Variants in ZBTB25 observed in about 807,000 individuals in gnomAD.
ZBTB25 encodes the protein zinc finger and BTB domain containing 25.
ZBTB25 carries 20 observed loss-of-function variants against 34.2 expected under a neutral mutation model. The observed-to-expected ratio is 0.58, with a 90% CI of 0.41 to 0.85. The LOEUF (loss-of-function observed/expected upper bound fraction) is 0.85, where lower values mean the gene tolerates loss of function less well. Among genes scored for constraint, ZBTB25 ranks in the 40% least tolerant of loss-of-function variants. The pLI, the probability that ZBTB25 is intolerant of heterozygous loss-of-function variation, is 0.00. For missense variants in ZBTB25, 437 were observed against 521.8 expected, an observed-to-expected ratio of 0.84 and a Z score of 1.58; for synonymous variants, 175 against 186.4, an observed-to-expected ratio of 0.94 and a Z score of 0.50.
intron 2 of ZBTB25, among the ~76,000 whole-genome samples, 149 bp downstream of exon 2, chr14:64,490,208 CAAAA>C (rs61367816): frequency 0.011 from 1,009 of 89,622 alleles, no homozygotes; most frequent in Middle Eastern, 0.014. Flanking sequence ...ACTCTGTCGC[CAAAA>C]AAAAAAAAAA....
chr14:64,464,473 C>T (rs2078589413), intron 2 of ZBTB25, among the ~76,000 whole-genome samples: 1 of 152,180 alleles, frequency 6.6e-6, no homozygotes, highest in African/African-American at 2.4e-5. Flanking sequence ...CCTTGATAAG[C>T]CTCTGTGGAA....
chr14:64,482,148 C>T lies in ZBTB25; in HGVS notation c.*4775G>A, dbSNP rs2078802153. 6.6e-6 allele frequency: 1 copy of T among 152,190 alleles called. No homozygotes were observed. The highest frequency in any genetic ancestry group is 2.4e-5 in the African/African-American group (1 of 41,524). 9.4% of individuals were successfully genotyped at this position (152,190 alleles called of 1,614,324 possible). A position where few individuals can be genotyped will look rare whatever the true frequency, so the allele number is the denominator to read the frequency against. On this transcript the variant is annotated 3_prime_UTR_variant, in exon 3 of 3. Coordinates refer to ENST00000608382, the MANE Select transcript of ZBTB25 (RefSeq NM_006977.5). ...CTGTCCTCATCTACTATTTAGATCA[C>T]CTACATCAAAGAAATAAAAATAGGC... is the stretch of plus-strand genomic sequence containing the variant.
At chr14:64,475,279 A>G (rs2141008834), downstream of ZBTB25, among the ~76,000 whole-genome samples, 1 of 152,222 alleles carries the variant, frequency 6.6e-6, no homozygotes, top group Non-Finnish European at 1.5e-5. Flanking sequence ...CTCTACTAAA[A>G]ATACAAAAAA....
intron 1 of ZBTB25, among the ~76,000 whole-genome samples, chr14:64,492,117 C>CAAAAA (rs58321068): frequency 1.6e-4 from 12 of 74,038 alleles, no homozygotes; most frequent in African/African-American, 3.2e-4. Context: ...GACCCTATCT[C>CAAAAA]AAAAAAAAAA....
chr14:64,504,520 C>G (rs994962533), upstream of ZBTB25: 8 of 170,778 alleles, frequency 4.7e-5, no homozygotes, highest in African/African-American at 1.4e-4. Context: ...GTCAAGCCGC[C>G]GCCGCCGCGA....
rs2078745961 is a variant in ZBTB25, at chr14:64,478,902, C to A, written c.*8021G>T. The A allele has an allele frequency of 6.6e-6, 1 of 152,068 alleles. No homozygotes were observed. Among genetic ancestry groups the A allele is most frequent in the Admixed American group, 6.6e-5 (1 of 15,264 alleles). The allele number at this position is 152,068 out of a possible 1,614,324, so 9.4% of individuals were successfully genotyped here. ...GATTAAAAATTCACAGAAATTATAA[C>A]CTACAATCTCAATTTCATGAAGAGA... On this transcript the variant is annotated 3_prime_UTR_variant, in exon 3 of 3. Coordinates refer to ENST00000608382, the MANE Select transcript of ZBTB25 (RefSeq NM_006977.5).
chr14:64,487,641 T>C lies in ZBTB25; in HGVS notation c.590A>G (p.Gln197Arg). 4 of 1,605,426 alleles carry C rather than the reference T, an allele frequency of 2.5e-6. No individual in the cohort carries two copies. Among genetic ancestry groups the C allele is most frequent in the Non-Finnish European group, 3.4e-6 (4 of 1,176,016 alleles). The part of the protein sequence containing the change: ...CPATQALEEH[Q>R]KPPVSIKQER... Reference sequence around the variant, plus strand: ...CTGCTTGATGGAAACTGGGGGCTTCTGGTGCTCCTCCAGGGCCTGGGTGGC... The same window carrying C: ...CTGCTTGATGGAAACTGGGGGCTTCCGGTGCTCCTCCAGGGCCTGGGTGGC... Residue 197 changes from glutamine to arginine, a missense_variant, in exon 3 of 3, where the codon CAG becomes CGG. Physicochemically the swap from Gln to Arg is conservative, Grantham distance 43 (BLOSUM62 1). Coordinates refer to ENST00000608382, the MANE Select transcript of ZBTB25 (RefSeq NM_006977.5).
At chr14:64,462,206 A>C (rs1346728647) in intron 2 of ZBTB25, 1 of 151,646 alleles carries the variant, frequency 6.6e-6, no homozygotes, top group Non-Finnish European at 1.5e-5. Flanking sequence ...GGATCACTTG[A>C]GCCCAGGAGT....
chr14:64,450,476 C>T lies in ZBTB25; in HGVS notation c.174-838G>A, dbSNP rs146841179. Among the ~76,000 whole-genome samples the T allele has an allele frequency of 7.4e-3, 1,123 of 152,280 alleles. 13 individuals carry two copies. The highest frequency in any genetic ancestry group is 0.027 in the Middle Eastern group (8 of 294). On this transcript the variant is annotated intron_variant, in intron 2 of 2. Coordinates refer to the ZBTB25 transcript ENST00000555220. ...TTCCATCACTAAGCAAATTAAATTA[C>T]ACCTGGTCTAAGTAGAGCCCTGCTT...
At chr14:64,463,249 CACACACACACAT>C (rs938553051) in intron 2 of ZBTB25, 1 of 151,556 alleles carries the variant, frequency 6.6e-6, no homozygotes, top group African/African-American at 2.5e-5. Context: ...CACACACACA[CACACACACACAT>C]ATGGCATTGA....
chr14:64,502,524 G>C (rs946589044), intron 1 of ZBTB25: 7 of 490,330 alleles, frequency 1.4e-5, no homozygotes, highest in Non-Finnish European at 1.9e-5. Flanking sequence ...GGGTGGCTGG[G>C]GGGTGTAGGC....
At chr14:64,504,994 C>T (rs566414287), upstream of ZBTB25, 9 of 391,488 alleles carry the variant, frequency 2.3e-5, no homozygotes, top group Non-Finnish European at 4.1e-5. Context: ...TTGGCCCAGG[C>T]CGGAGGGCGA....
chr14:64,461,477 A>G (rs1174052253), intron 2 of ZBTB25: 1 of 151,784 alleles, frequency 6.6e-6, no homozygotes, highest in Non-Finnish European at 1.5e-5. Flanking sequence ...TGCTTTGTAC[A>G]GGGCCTGGCA....
chr14:64,492,293 G>A (rs12323613), intron 1 of ZBTB25, among the ~76,000 whole-genome samples: 16,356 of 151,418 alleles, frequency 0.11, 1,095 homozygotes, highest in South Asian at 0.15. Context: ...TGCAACCTCC[G>A]CCTCCTGGGT....
At chr14:64,493,132 A>G (rs915577595) in intron 1 of ZBTB25, among the ~76,000 whole-genome samples, 1 of 152,258 alleles carries the variant, frequency 6.6e-6, no homozygotes, top group Non-Finnish European at 1.5e-5. Context: ...GGTCAGTTCA[A>G]AAAGCATACA....
intron 1 of ZBTB25, 76 bp downstream of exon 1, chr14:64,503,585 G>C: frequency 1.0e-6 from 1 of 985,894 alleles, no homozygotes; most frequent in Non-Finnish European, 1.2e-6. Context: ...GCAGCTGCAG[G>C]CCGCCGCCCT....
intron 1 of ZBTB25, 120 bp downstream of exon 1, chr14:64,503,541 C>G (rs2079569776): frequency 9.1e-6 from 9 of 986,114 alleles, no homozygotes; most frequent in Non-Finnish European, 1.1e-5. Context: ...AAACACCCCT[C>G]TCCCCAGCTA....
rs556889696 is a variant in ZBTB25 at position 64,502,556 on chromosome 14, A to G, written c.-8+1105T>C. 1.3e-5 allele frequency: 11 copies of G among 855,072 alleles called. No individual in the cohort carries two copies. In the East Asian group the frequency reaches 1.2e-3, roughly 95 times the overall value. The allele number at this position is 855,072 out of a possible 1,614,324, so 53.0% of individuals were successfully genotyped here. On this transcript the variant is annotated intron_variant, in intron 1 of 2. Coordinates refer to ENST00000608382, the MANE Select transcript of ZBTB25 (RefSeq NM_006977.5). ...AGGCTTTTAGTTCCAAAAATACACCATAGGCGGCCTACCTCACCTAGAAAT... is the reference window on the plus strand; with the variant it reads ...AGGCTTTTAGTTCCAAAAATACACCGTAGGCGGCCTACCTCACCTAGAAAT...
At chr14:64,475,294 C>G (rs951418816), downstream of ZBTB25, among the ~76,000 whole-genome samples, 16 of 151,976 alleles carry the variant, frequency 1.1e-4, no homozygotes, top group African/African-American at 3.9e-4. Flanking sequence ...AAAAAATTAG[C>G]CAGGCGTGGT....
Sources: allele counts gnomAD v4.1 joint callset (sites outside exome capture counted in the v4.1 genomes callset), GRCh38; gene constraint gnomAD v4.1.1; transcripts MANE v1.5; gene names NCBI Gene and HGNC (gene_info 2026-07-23, HGNC 2026-07-21).